FKBP8: variants seen among roughly 807,000 people sequenced by gnomAD.
FKBP8 encodes peptidyl-prolyl cis-trans isomerase FKBP8.
In FKBP8, 5 loss-of-function variants were observed where a neutral mutation model predicts 41.7. The ratio of observed to expected loss-of-function variants is 0.12; its 90% CI spans 0.06 to 0.25. FKBP8 has a LOEUF of 0.25. FKBP8 is among the 10% of genes least tolerant of loss of function. FKBP8 has a pLI of 1.00. For synonymous variants in FKBP8, 279 were observed against 254.5 expected, an observed-to-expected ratio of 1.10 and a Z score of -0.92; for missense variants, 397 against 563.0, an observed-to-expected ratio of 0.71 and a Z score of 2.98.
chr19:18,542,865 C>T, intron 1 of FKBP8: 3 of 1,277,402 alleles, frequency 2.3e-6, no homozygotes, highest in Non-Finnish European at 3.1e-6. Flanking sequence ...ACCAGCCCGC[C>T]GCATCCCCTC....
intron 6 of FKBP8, among the ~76,000 whole-genome samples, chr19:18,533,560 C>T (rs1012886952): frequency 7.9e-5 from 12 of 152,110 alleles, no homozygotes; most frequent in Admixed American, 3.3e-4. Context: ...CAAAAATTAG[C>T]CAGGCGTGGT....
chr19:18,536,248 G>GC (rs1291536316), intron 6 of FKBP8: 1 of 152,172 alleles, frequency 6.6e-6, no homozygotes, highest in Non-Finnish European at 1.5e-5. Context: ...GGTCCTGAAA[G>GC]CCCCACCTAG....
Position 18,538,055 on chromosome 19 carries a change from GA to G in FKBP8, c.772+160del. 3 of 794,590 alleles carry G rather than the reference GA, an allele frequency of 3.8e-6. No individual in the cohort carries two copies. The highest frequency in any genetic ancestry group is 6.0e-6 in the Non-Finnish European group (3 of 496,860). 49.2% of individuals were successfully genotyped at this position (794,590 alleles called of 1,614,324 possible). ...ACTCCACTGGTCTGGGATATACCAC[GA>G]GTCTGTAACAGGCCCTAGCTTAGGG... On this transcript the variant is annotated intron_variant, in intron 5 of 8. Coordinates refer to ENST00000608443, the MANE Select transcript of FKBP8 (RefSeq NM_012181.5). This position sits in a 1 kb window ranked among gnomAD's most constrained non-coding sequence, Gnocchi z 4.0.
In FKBP8 at chr19:18,539,535, C is replaced by G. The variant is rs1157661989; in HGVS notation, c.462+16G>C. 5 of 1,612,254 alleles carry G rather than the reference C, an allele frequency of 3.1e-6. No homozygotes were observed. Among genetic ancestry groups the G allele is most frequent in the Admixed American group, 1.7e-5 (1 of 59,994 alleles). On this transcript the variant is annotated intron_variant, in intron 3 of 8. Coordinates refer to ENST00000608443, the MANE Select transcript of FKBP8 (RefSeq NM_012181.5). The stretch of plus-strand genomic sequence containing the variant: ...GCACGCCCCTCGCCCCTGCCCTGTC[C>G]CGCCCCAGCCCGCACCTGGATGACG...
chr19:18,535,324 G>A (rs1212628654), intron 6 of FKBP8, among the ~76,000 whole-genome samples: 3 of 152,078 alleles, frequency 2.0e-5, no homozygotes, highest in Non-Finnish European at 2.9e-5. Context: ...GCCTCCTGAA[G>A]TGCTGAGATT....
intron 2 of FKBP8, among the ~76,000 whole-genome samples, chr19:18,541,060 T>C (rs1976687587): frequency 6.6e-6 from 1 of 152,126 alleles, no homozygotes; most frequent in African/African-American, 2.4e-5. Flanking sequence ...ATATCAGTAC[T>C]ATACTAGTAG....
In FKBP8 at chr19:18,539,695, C is replaced by A. The variant is rs370114965; in HGVS notation, c.318G>T (p.Thr106=). 6.2e-7 allele frequency: 1 copy of A among 1,609,228 alleles called. No individual in the cohort carries two copies. The highest frequency in any genetic ancestry group is 1.3e-5 in the African/African-American group (1 of 75,060). ...TCGAACCTGGCGGCCCTGGGACCAG[C>A]GTCTTCTTCCTCAACAGCCCGTTCC... ...ILGNGLLRKK[T]LVPGPPGSSR... The change falls in exon 3 of 9, where the codon ACG becomes ACT. Residue 106 remains threonine, a synonymous_variant. Transcript: ENST00000608443.
chr19:18,539,012 C>A (rs546236036), intron 4 of FKBP8, among the ~76,000 whole-genome samples: 3 of 151,940 alleles, frequency 2.0e-5, no homozygotes, highest in Admixed American at 6.6e-5. Context: ...GACGGGGTTT[C>A]ACCGTGCTAG....
At chr19:18,542,588 C>T (rs973675409) in intron 1 of FKBP8, 1 of 206,704 alleles carries the variant, frequency 4.8e-6, no homozygotes, top group African/African-American at 2.4e-5. Context: ...ACCCAGAAAC[C>T]CCAAGCGTTT....
intron 1 of FKBP8, chr19:18,542,250 T>TC: frequency 2.4e-6 from 1 of 425,148 alleles, no homozygotes. Flanking sequence ...TGTTTACAAA[T>TC]ACTCCAGGAA....
chr19:18,533,535 C>G (rs1199216163), intron 6 of FKBP8, among the ~76,000 whole-genome samples, 188 bp from the exon 7 acceptor site: 3 of 152,124 alleles, frequency 2.0e-5, no homozygotes, highest in Non-Finnish European at 4.4e-5. Context: ...GAAACCCCGT[C>G]TCTACCAAAA....
In FKBP8 at chr19:18,541,707, C is replaced by A; in HGVS notation, c.264G>T (p.Pro88=). 1 of 1,611,316 alleles carries A rather than the reference C, an allele frequency of 6.2e-7. No homozygotes were observed. The highest frequency in any genetic ancestry group is 8.5e-7 in the Non-Finnish European group (1 of 1,178,236). The change falls in exon 2 of 9, where the codon CCG becomes CCT. Residue 88 remains proline, a synonymous_variant. Coordinates refer to ENST00000608443, the MANE Select transcript of FKBP8 (RefSeq NM_012181.5). ...AAMEPEPAPA[P]APEEWLDILG... is the part of the protein sequence containing the mutation. Reference sequence around the variant, plus strand: ...GAATGTCCAGCCACTCTTCTGGGGCCGGGGCTGGGGCGGGCTCGGGCTCCA... The same window carrying A: ...GAATGTCCAGCCACTCTTCTGGGGCAGGGGCTGGGGCGGGCTCGGGCTCCA...
intron 6 of FKBP8, among the ~76,000 whole-genome samples, chr19:18,535,761 T>C (rs1976559826): frequency 7.3e-6 from 1 of 137,092 alleles, no homozygotes. Flanking sequence ...AAGATGGAAA[T>C]CTGTAACTTT....
At chr19:18,535,525 A>G (rs1260114030) in intron 6 of FKBP8, among the ~76,000 whole-genome samples, 2 of 151,950 alleles carry the variant, frequency 1.3e-5, no homozygotes, top group Non-Finnish European at 2.9e-5. Context: ...TAATCCCAGC[A>G]CTTTGGGAGG....
chr19:18,537,544 G>A lies in FKBP8; in HGVS notation c.945+57C>T. ...TGCCTTTCTCAAATGCAGGGTTGGG[G>A]ACCACCCCGTATACCCCAGGCTGAG... On this transcript the variant is annotated intron_variant, in intron 6 of 8. Transcript: ENST00000608443. This position sits in a 1 kb window ranked among gnomAD's most constrained non-coding sequence, Gnocchi z 4.4. 1.3e-6 allele frequency: 2 copies of A among 1,489,346 alleles called. No individual in the cohort carries two copies. The highest frequency in any genetic ancestry group is 1.3e-5 in the South Asian group (1 of 75,872). The allele number at this position is 1,489,346 out of a possible 1,614,324, so 92.3% of individuals were successfully genotyped here. A position where few individuals can be genotyped will look rare whatever the true frequency, so the allele number is the denominator to read the frequency against.
At chr19:18,539,755 G>A in intron 2 of FKBP8, 35 bp from the exon 3 acceptor site, 1 of 1,599,348 alleles carries the variant, frequency 6.3e-7, no homozygotes, top group Non-Finnish European at 8.5e-7. Context: ...CCTGTCACCT[G>A]GCAGCTCAAA....
chr19:18,540,318 A>C (rs2145192961), intron 2 of FKBP8, among the ~76,000 whole-genome samples: 1 of 152,276 alleles, frequency 6.6e-6, no homozygotes, highest in South Asian at 2.1e-4. Flanking sequence ...AGTTAAGCAA[A>C]GGACACACAT....
chr19:18,534,863 A>G (rs1437570583), intron 6 of FKBP8, among the ~76,000 whole-genome samples: 2 of 151,434 alleles, frequency 1.3e-5, no homozygotes, highest in African/African-American at 4.9e-5. Context: ...TCTTGGCTCA[A>G]TGCAAGCTCT....
In FKBP8 at chr19:18,531,980, C is replaced by T; in HGVS notation, c.*189G>A. 2 of 604,540 alleles carry T rather than the reference C, an allele frequency of 3.3e-6. No homozygotes were observed. The highest frequency in any genetic ancestry group is 2.8e-5 in the East Asian group (1 of 35,758). 37.4% of individuals were successfully genotyped at this position (604,540 alleles called of 1,614,324 possible). ...GGTCTGAAGGAATGAGGGCCCCCTC[C>T]CTCTGGGCTTTCCTCCTAGAGGGCC... is the stretch of plus-strand genomic sequence containing the variant. On this transcript the variant is annotated 3_prime_UTR_variant, in exon 9 of 9. Coordinates refer to ENST00000608443, the MANE Select transcript of FKBP8 (RefSeq NM_012181.5).
Sources: gnomAD v4.1 joint callset for allele counts (sites outside exome capture counted in the v4.1 genomes callset) on GRCh38, gnomAD v4.1.1 for gene constraint, Gnocchi (gnomAD v3.1) non-coding constraint, MANE v1.5 for transcripts, NCBI Gene and HGNC (gene_info 2026-07-23, HGNC 2026-07-21) for gene names.